Variants in NFIA observed in about 807,000 individuals in gnomAD.
The protein encoded by NFIA is nuclear factor 1 A-type.
In NFIA, 8 loss-of-function variants were observed where a neutral mutation model predicts 62.8. That is an observed-to-expected ratio of 0.13 (90% CI 0.07 to 0.23). NFIA has a LOEUF of 0.23. Ranked by LOEUF, NFIA falls within the 10% of genes least tolerant of loss-of-function variation. The pLI, the probability that NFIA is intolerant of heterozygous loss-of-function variation, is 1.00. For synonymous variants in NFIA, 235 were observed against 238.1 expected (o/e 0.99, Z 0.12); for missense variants, 410 against 642.1 (o/e 0.64, Z 3.91).
chr1:61,094,820 G>T (rs990230923), intron 2 of NFIA, among the ~76,000 whole-genome samples: 1 of 152,168 alleles, frequency 6.6e-6, no homozygotes, highest in Non-Finnish European at 1.5e-5. Context: ...ACAGCGTAAA[G>T]CATATTTTAT....
chr1:61,350,640 C>G (rs1662496855), intron 4 of NFIA, among the ~76,000 whole-genome samples: 1 of 151,678 alleles, frequency 6.6e-6, no homozygotes, highest in African/African-American at 2.4e-5. Flanking sequence ...GCTCTTGTCT[C>G]TAAAACAAAG....
chr1:61,436,035 A>C (rs1253384363), intron 10 of NFIA, among the ~76,000 whole-genome samples: 2 of 152,150 alleles, frequency 1.3e-5, no homozygotes, highest in Non-Finnish European at 2.9e-5. Flanking sequence ...TTTGGGCAGA[A>C]GTCCTGGCGT....
chr1:61,087,544 G>T (rs12125539), intron 1 of NFIA, among the ~76,000 whole-genome samples: 1 of 152,054 alleles, frequency 6.6e-6, no homozygotes, highest in Admixed American at 6.5e-5. Flanking sequence ...ATTATATGTA[G>T]TTATAATATT....
At chr1:61,361,540 TC>T (rs1663289951) in intron 6 of NFIA, among the ~76,000 whole-genome samples, 1 of 152,106 alleles carries the variant, frequency 6.6e-6, no homozygotes, top group East Asian at 1.9e-4. Context: ...TACTCAGAGC[TC>T]CCCCATCATG....
At chr1:61,202,101 G>A (rs1012315924) in intron 2 of NFIA, among the ~76,000 whole-genome samples, 3 of 152,166 alleles carry the variant, frequency 2.0e-5, no homozygotes, top group East Asian at 1.9e-4. Context: ...TATTCCAGAA[G>A]GATAGGTGCC....
chr1:61,126,458 A>ACACACACACACACACT (rs2100480401), intron 2 of NFIA, among the ~76,000 whole-genome samples: 1 of 144,878 alleles, frequency 6.9e-6, no homozygotes, highest in African/African-American at 2.5e-5. Context: ...ACACACACAC[A>ACACACACACACACACT]CACACACACA....
chr1:61,248,680 C>A (rs918583622), intron 2 of NFIA, among the ~76,000 whole-genome samples: 5 of 152,128 alleles, frequency 3.3e-5, no homozygotes, highest in African/African-American at 1.2e-4. Flanking sequence ...ACTTAAATAC[C>A]AACTTAAATA....
chr1:61,445,051 A>G (rs1003107296), intron 10 of NFIA, among the ~76,000 whole-genome samples: 1 of 152,256 alleles, frequency 6.6e-6, no homozygotes, highest in Admixed American at 6.5e-5. Flanking sequence ...CGCATGCTCA[A>G]TTTTATAAAA....
At chr1:61,426,606 C>T (rs1666882380) in intron 10 of NFIA, 50 bp downstream of exon 10, 1 of 1,371,556 alleles carries the variant, frequency 7.3e-7, no homozygotes, top group African/African-American at 1.7e-5. Flanking sequence ...TATTATTCAT[C>T]AGGTGCATTT....
At chr1:61,376,446 T>A (rs1411789773) in intron 6 of NFIA, among the ~76,000 whole-genome samples, 1 of 152,200 alleles carries the variant, frequency 6.6e-6, no homozygotes, top group East Asian at 1.9e-4. Context: ...GGGGTCATTA[T>A]CTTCTTCTAA....
chr1:61,444,508 A>G (rs1667722464), intron 10 of NFIA, among the ~76,000 whole-genome samples: 1 of 152,230 alleles, frequency 6.6e-6, no homozygotes, highest in Admixed American at 6.5e-5. Context: ...AGGCTCCGTT[A>G]TAAACTCCTG....
chr1:61,167,001 C>T lies in NFIA; in HGVS notation c.559+78321C>T, dbSNP rs192526662. ...CTAAAAATACAAAAAATTAGCCGGG[C>T]GAGGTGGCACACACCTGTAATCCCA... On this transcript the variant is annotated intron_variant, in intron 2 of 10. Transcript: ENST00000403491. 8.2e-3 allele frequency among the ~76,000 whole-genome samples: 1,246 copies of T among 152,130 alleles called. 15 individuals are homozygous for T. The highest frequency in any genetic ancestry group is 0.061 in the Middle Eastern group (18 of 294).
chr1:61,337,867 ATCAC>A (rs1422129370), intron 4 of NFIA, among the ~76,000 whole-genome samples: 1 of 152,184 alleles, frequency 6.6e-6, no homozygotes, highest in Non-Finnish European at 1.5e-5. Context: ...GCTGTCAAAT[ATCAC>A]TCCTGGTAGG....
chr1:61,235,777 C>T (rs1296534356), intron 2 of NFIA, among the ~76,000 whole-genome samples: 1 of 147,512 alleles, frequency 6.8e-6, no homozygotes, highest in African/African-American at 2.5e-5. Context: ...AGTGCCACTG[C>T]ACTCCATCCT....
At position 61,116,667 on chromosome 1, in the gene NFIA, C is replaced by T. The variant is rs116976301; in HGVS notation, c.559+27987C>T. Among the ~76,000 whole-genome samples, 119 of 152,288 alleles carry T rather than the reference C, an allele frequency of 7.8e-4. No individual in the cohort carries two copies. The East Asian group carries it at 0.019, about 24-fold the overall frequency. ...TCAGACTCTAGAAATAAATTATCAA[C>T]GATGACTGCAGTGGGTGAGGCTGTT... is the stretch of plus-strand genomic sequence containing the variant. On this transcript the variant is annotated intron_variant, in intron 2 of 10. Transcript: ENST00000403491.
At chr1:61,176,220 G>A (rs538971414) in intron 2 of NFIA, among the ~76,000 whole-genome samples, 2 of 152,314 alleles carry the variant, frequency 1.3e-5, no homozygotes, top group South Asian at 2.1e-4. Context: ...GGCAGCTGGT[G>A]AAAGTCTCCT....
At chr1:61,230,776 C>T (rs1222884528) in intron 2 of NFIA, among the ~76,000 whole-genome samples, 1 of 152,202 alleles carries the variant, frequency 6.6e-6, no homozygotes, top group Non-Finnish European at 1.5e-5. Context: ...GCTGGGTTGC[C>T]ATGCTTACAG....
chr1:61,100,207 G>T (rs1298880657), intron 2 of NFIA, among the ~76,000 whole-genome samples: 1 of 152,164 alleles, frequency 6.6e-6, no homozygotes, highest in Non-Finnish European at 1.5e-5. Context: ...TACATTTGAG[G>T]ATTCTAAGTC....
At chr1:61,292,559 C>A (rs1295409676) in intron 3 of NFIA, among the ~76,000 whole-genome samples, 3 of 152,088 alleles carry the variant, frequency 2.0e-5, no homozygotes, top group African/African-American at 7.2e-5. Context: ...GATATTTAGG[C>A]AGATAGTTGC....
Sources: gnomAD v4.1 joint callset for allele counts (sites outside exome capture counted in the v4.1 genomes callset) on GRCh38, gnomAD v4.1.1 for gene constraint, MANE v1.5 for transcripts, NCBI Gene and HGNC (gene_info 2026-07-23, HGNC 2026-07-21) for gene names.